ZNF626: variants seen among roughly 807,000 people sequenced by gnomAD.
The protein encoded by ZNF626 is zinc finger protein 626.
Under a neutral mutation model 11.7 loss-of-function variants are expected in ZNF626, and 4 were observed. That is an observed-to-expected ratio of 0.34 (90% CI 0.17 to 0.78). ZNF626 has a LOEUF of 0.78. ZNF626 is among the 30% of genes least tolerant of loss of function. The pLI is 0.57. For synonymous variants in ZNF626, 179 were observed against 198.6 expected, an observed-to-expected ratio of 0.90 and a Z score of 0.83; for missense variants, 588 against 587.1, an observed-to-expected ratio of 1.00 and a Z score of -0.01.
intron 1 of ZNF626, among the ~76,000 whole-genome samples, chr19:20,660,459 C>CT (rs1970253605): frequency 6.6e-6 from 1 of 151,930 alleles, no homozygotes; most frequent in African/African-American, 2.4e-5. Context: ...CGGAGTCTCG[C>CT]TTTGTCACGC....
At chr19:20,626,449 T>C (rs781887848) in intron 3 of ZNF626, among the ~76,000 whole-genome samples, 13 of 152,228 alleles carry the variant, frequency 8.5e-5, no homozygotes, top group Non-Finnish European at 1.9e-4. Flanking sequence ...TCAAGCTTAG[T>C]GGCTCATTCC....
intron 3 of ZNF626, among the ~76,000 whole-genome samples, chr19:20,629,118 C>T (rs1266199851): frequency 2.6e-5 from 4 of 152,126 alleles, no homozygotes; most frequent in Non-Finnish European, 5.9e-5. Context: ...TTTCTGAGGG[C>T]TCTGTTCTGT....
chr19:20,654,387 G>A (rs1393843514), intron 1 of ZNF626, among the ~76,000 whole-genome samples: 6 of 151,796 alleles, frequency 4.0e-5, no homozygotes, highest in Non-Finnish European at 5.9e-5. Flanking sequence ...AGGTTGCAGT[G>A]AGCCAAGATC....
At chr19:20,649,387 A>C (rs916442074) in intron 1 of ZNF626, among the ~76,000 whole-genome samples, 21 of 152,134 alleles carry the variant, frequency 1.4e-4, no homozygotes, top group Non-Finnish European at 2.4e-4. Flanking sequence ...TGCCACGGAC[A>C]CCAGCCATTT....
chr19:20,624,895 G>T lies in ZNF626; in HGVS notation c.982C>A (p.Leu328Ile). The change falls in exon 4 of 4, where the codon CTT becomes ATT. Residue 328 changes from leucine (L) to isoleucine (I), a missense_variant. By Grantham distance (5) the Leu-to-Ile change is conservative (BLOSUM62 2). Around this residue, in one of 4 missense-constraint regions of ZNF626, gnomAD observed 524 missense variants for 470.1 expected, o/e 1.11. Transcript: ENST00000601440. ...CDKAFKYSYT[L>I]TTHKRIHTED... is the part of the protein sequence containing the mutation. ...GTATGAATTCTTTTATGTGTAGTAAGGGTATAGGAGTACTTAAAGGCTTTG... is the reference window on the plus strand; with the variant it reads ...GTATGAATTCTTTTATGTGTAGTAATGGTATAGGAGTACTTAAAGGCTTTG... 6.2e-7 allele frequency: 1 copy of T among 1,613,800 alleles called. No homozygotes were observed. The highest frequency in any genetic ancestry group is 1.3e-5 in the African/African-American group (1 of 74,978).
At position 20,634,556 on chromosome 19, in the gene ZNF626, C is replaced by T. The variant is rs926914063; in HGVS notation, c.227-8906G>A. On this transcript the variant is annotated intron_variant, in intron 3 of 3. Transcript: ENST00000601440. ...GATACAACACAGTATTAAGCATGCACTTGTTGAAATAACTGGCTGGGTGCG... is the reference window on the plus strand; with the variant it reads ...GATACAACACAGTATTAAGCATGCATTTGTTGAAATAACTGGCTGGGTGCG... Among the ~76,000 whole-genome samples, 9 of 151,108 alleles carry T rather than the reference C, an allele frequency of 6.0e-5. 1 individual carries two copies. Among genetic ancestry groups the T allele is most frequent in the African/African-American group, 1.5e-4 (6 of 41,100 alleles).
chr19:20,642,908 G>C (rs1198949316), intron 3 of ZNF626, among the ~76,000 whole-genome samples: 2 of 151,884 alleles, frequency 1.3e-5, no homozygotes, highest in African/African-American at 4.8e-5. Flanking sequence ...CTACTTGGGA[G>C]GATGAGGCAT....
intron 1 of ZNF626, among the ~76,000 whole-genome samples, chr19:20,650,536 G>A (rs1026583599): frequency 1.3e-5 from 2 of 152,054 alleles, no homozygotes; most frequent in Admixed American, 6.6e-5. Context: ...ACCAGCTCTA[G>A]AAAGACAACA....
intron 1 of ZNF626, among the ~76,000 whole-genome samples, chr19:20,658,002 C>T (rs1221534349): frequency 6.6e-6 from 1 of 151,812 alleles, no homozygotes; most frequent in Non-Finnish European, 1.5e-5. Flanking sequence ...CGGTGGTATG[C>T]TTAGTACCTC....
chr19:20,636,016 C>A (rs1969961831), intron 3 of ZNF626, among the ~76,000 whole-genome samples: 1 of 152,114 alleles, frequency 6.6e-6, no homozygotes, highest in Non-Finnish European at 1.5e-5. Flanking sequence ...CCTGTAATCC[C>A]AGCTACTCAG....
At position 20,645,741 on chromosome 19, in the gene ZNF626, C is replaced by T; in HGVS notation, c.169G>A (p.Glu57Lys). ...ATGGTCAAAGGTTTTCTTCCTTGCTCCAGACAGGTGATCAGGTCTGGCTTA... is the reference window on the plus strand; with the variant it reads ...ATGGTCAAAGGTTTTCTTCCTTGCTTCAGACAGGTGATCAGGTCTGGCTTA... ...VSKPDLITCL[E>K]QGRKPLTMKR... Residue 57 changes from glutamate to lysine, a missense_variant, in exon 3 of 4, where the codon GAG (glutamate) becomes AAG (lysine). By Grantham distance (56) the Glu-to-Lys change is moderately conservative. Transcript: ENST00000601440. 1 of 1,611,506 alleles carries T rather than the reference C, an allele frequency of 6.2e-7. No individual in the cohort carries two copies. Among genetic ancestry groups the T allele is most frequent in the Non-Finnish European group, 8.5e-7 (1 of 1,179,406 alleles).
chr19:20,625,978 G>A (rs1347331260), intron 3 of ZNF626, among the ~76,000 whole-genome samples: 1 of 152,168 alleles, frequency 6.6e-6, no homozygotes, highest in East Asian at 1.9e-4. Flanking sequence ...AAAGTAAATT[G>A]TTGACTGGCT....
At chr19:20,658,546 GGAA>G (rs1479626358) in intron 1 of ZNF626, among the ~76,000 whole-genome samples, 1 of 152,124 alleles carries the variant, frequency 6.6e-6, no homozygotes, top group Non-Finnish European at 1.5e-5. Context: ...CTGTCACCCT[GGAA>G]GAAGACCTTA....
intron 1 of ZNF626, among the ~76,000 whole-genome samples, chr19:20,659,479 G>A (rs1970240840): frequency 6.6e-6 from 1 of 152,134 alleles, no homozygotes; most frequent in African/African-American, 2.4e-5. Context: ...GACTTGCGGT[G>A]ATCCGTCCGC....
At chr19:20,625,842 C>G (rs896530162) in intron 3 of ZNF626, among the ~76,000 whole-genome samples, 192 bp from the exon 4 acceptor site, 7 of 53,284 alleles carry the variant, frequency 1.3e-4, no homozygotes, top group African/African-American at 2.0e-4. Flanking sequence ...TTGTAAAAAA[C>G]TTATAATAAG....
At chr19:20,625,690 A>T in intron 3 of ZNF626, 40 bp from the exon 4 acceptor site, 1 of 1,499,754 alleles carries the variant, frequency 6.7e-7, no homozygotes, top group Non-Finnish European at 8.9e-7. Context: ...CAATTGGTAG[A>T]CTCAGATAAA....
chr19:20,627,708 G>A (rs113308501), intron 3 of ZNF626, among the ~76,000 whole-genome samples: 20 of 152,212 alleles, frequency 1.3e-4, no homozygotes, highest in Admixed American at 6.5e-4. Context: ...ACAGGAGTCA[G>A]TTGAGATCTA....
intron 3 of ZNF626, among the ~76,000 whole-genome samples, chr19:20,631,827 C>T (rs1436144326): frequency 6.6e-6 from 1 of 151,672 alleles, no homozygotes; most frequent in African/African-American, 2.4e-5. Flanking sequence ...TTGATCCTGT[C>T]ATTATGATGT....
intron 3 of ZNF626, among the ~76,000 whole-genome samples, chr19:20,633,880 G>A (rs536144043): frequency 5.9e-5 from 9 of 152,264 alleles, no homozygotes; most frequent in African/African-American, 1.7e-4. Context: ...CTTCTATATC[G>A]CTCACGTTGG....
Sources: gnomAD v4.1 joint callset for allele counts (sites outside exome capture counted in the v4.1 genomes callset) on GRCh38, gnomAD v4.1.1 for gene constraint, gnomAD v4.1.1 regional missense constraint, MANE v1.5 for transcripts, NCBI Gene and HGNC (gene_info 2026-07-23, HGNC 2026-07-21) for gene names.